Variants in DLG2 observed in about 807,000 individuals in gnomAD.
The protein encoded by DLG2 is discs large MAGUK scaffold protein 2, also known as disks large homolog 2.
In DLG2, 45 loss-of-function variants were observed where a neutral mutation model predicts 132.5. The observed-to-expected ratio is 0.34, with a 90% CI of 0.27 to 0.44. The LOEUF is 0.44. Ranked by LOEUF, DLG2 falls within the 20% of genes least tolerant of loss-of-function variation. The pLI, the probability that DLG2 is intolerant of heterozygous loss-of-function variation, is 1.00. For synonymous variants in DLG2, 424 were observed against 419.6 expected, an observed-to-expected ratio of 1.01 and a Z score of -0.13; for missense variants, 1,045 against 1,196.9, an observed-to-expected ratio of 0.87 and a Z score of 1.87.
intron 3 of DLG2, among the ~76,000 whole-genome samples, chr11:85,522,423 G>A (rs1014321375): frequency 1.2e-4 from 19 of 152,302 alleles, no homozygotes; most frequent in African/African-American, 4.6e-4. Flanking sequence ...GGAAATGTGG[G>A]GTTGGAGCCC....
chr11:84,225,231 CAT>C (rs1251194863), intron 8 of DLG2, among the ~76,000 whole-genome samples: 2 of 152,190 alleles, frequency 1.3e-5, no homozygotes, highest in Non-Finnish European at 2.9e-5. Context: ...TTATTAATAA[CAT>C]ATTTGAATAG....
At chr11:84,372,401 T>G (rs1014990809) in intron 7 of DLG2, among the ~76,000 whole-genome samples, 3 of 152,178 alleles carry the variant, frequency 2.0e-5, no homozygotes, top group African/African-American at 7.2e-5. Flanking sequence ...CTGTGATGAT[T>G]TGCCATCACA....
intron 7 of DLG2, among the ~76,000 whole-genome samples, chr11:84,469,449 C>T (rs569787124): frequency 2.6e-5 from 4 of 151,644 alleles, no homozygotes; most frequent in South Asian, 2.1e-4. Flanking sequence ...TCATTTAAAC[C>T]TTTAAAGCCT....
At chr11:84,419,132 G>T (rs1205308949) in intron 7 of DLG2, among the ~76,000 whole-genome samples, 1 of 151,880 alleles carries the variant, frequency 6.6e-6, no homozygotes, top group East Asian at 1.9e-4. Context: ...GAGAAGGCGA[G>T]AGGGAGAAAA....
chr11:84,193,678 C>T (rs1427720587), intron 8 of DLG2, among the ~76,000 whole-genome samples: 3 of 152,164 alleles, frequency 2.0e-5, no homozygotes. Context: ...CTATGCTGTA[C>T]AGGGAATAGC....
chr11:84,840,411 C>T (rs2080473415), intron 6 of DLG2, among the ~76,000 whole-genome samples: 1 of 152,062 alleles, frequency 6.6e-6, no homozygotes, highest in African/African-American at 2.4e-5. Context: ...ACTAGTTCCA[C>T]CATTGTGGAA....
At chr11:84,469,671 CAAAAT>C (rs1429975872) in intron 7 of DLG2, among the ~76,000 whole-genome samples, 1 of 151,346 alleles carries the variant, frequency 6.6e-6, no homozygotes, top group Non-Finnish European at 1.5e-5. Context: ...TAATTATAGA[CAAAAT>C]AGATAATATG....
intron 6 of DLG2, among the ~76,000 whole-genome samples, chr11:84,693,131 G>A (rs1300808442): frequency 2.0e-5 from 3 of 151,658 alleles, no homozygotes; most frequent in Non-Finnish European, 3.0e-5. Flanking sequence ...AGAATGTCTC[G>A]TAAGTATTCA....
At chr11:84,628,420 G>A (rs1379445087) in intron 6 of DLG2, among the ~76,000 whole-genome samples, 1 of 152,138 alleles carries the variant, frequency 6.6e-6, no homozygotes, top group East Asian at 1.9e-4. Flanking sequence ...TGATGTTTGT[G>A]TAAATTGATT....
At chr11:85,513,899 T>A (rs1242541129) in intron 3 of DLG2, among the ~76,000 whole-genome samples, 1 of 151,990 alleles carries the variant, frequency 6.6e-6, no homozygotes, top group Non-Finnish European at 1.5e-5. Flanking sequence ...TAATTACCTT[T>A]CTAAATATCT....
chr11:84,490,850 A>G (rs1165672734), intron 7 of DLG2, among the ~76,000 whole-genome samples: 1 of 151,582 alleles, frequency 6.6e-6, no homozygotes. Context: ...AATAATGACA[A>G]CTAAAAAATC....
intron 7 of DLG2, among the ~76,000 whole-genome samples, chr11:84,292,969 T>C (rs1288561633): frequency 6.6e-6 from 1 of 152,190 alleles, no homozygotes; most frequent in South Asian, 2.1e-4. Flanking sequence ...TTTACAAATA[T>C]GTATTGGGCA....
intron 8 of DLG2, among the ~76,000 whole-genome samples, chr11:84,236,031 C>T (rs574947477): frequency 1.4e-5 from 2 of 141,378 alleles, no homozygotes; most frequent in South Asian, 4.8e-4. Context: ...GAGATATTTC[C>T]ACCTTTCTCC....
intron 3 of DLG2, among the ~76,000 whole-genome samples, chr11:85,516,123 C>A (rs2094163796): frequency 6.6e-6 from 1 of 151,882 alleles, no homozygotes; most frequent in Non-Finnish European, 1.5e-5. Flanking sequence ...CAGTGGAATA[C>A]AACTAGAAAT....
At chr11:85,461,457 C>T (rs2092609969) in intron 3 of DLG2, among the ~76,000 whole-genome samples, 1 of 152,334 alleles carries the variant, frequency 6.6e-6, no homozygotes, top group Admixed American at 6.5e-5. Flanking sequence ...ATGCAGTTTC[C>T]TGGCTGATCT....
chr11:85,268,553 C>G (rs1332576054), intron 4 of DLG2, among the ~76,000 whole-genome samples: 1 of 152,156 alleles, frequency 6.6e-6, no homozygotes, highest in Non-Finnish European at 1.5e-5. Flanking sequence ...TCAACCTTGG[C>G]AAAATAAAAT....
chr11:83,489,154 T>C (rs1398984494), intron 21 of DLG2, among the ~76,000 whole-genome samples: 1 of 151,932 alleles, frequency 6.6e-6, no homozygotes, highest in Non-Finnish European at 1.5e-5. Context: ...TATTACAAGG[T>C]AGTCTTGAAA....
chr11:84,587,237 T>C (rs1386786576), intron 6 of DLG2, among the ~76,000 whole-genome samples: 1 of 152,212 alleles, frequency 6.6e-6, no homozygotes, highest in East Asian at 1.9e-4. Context: ...TTCTTTGGCT[T>C]ATGTGTCTGG....
intron 19 of DLG2, among the ~76,000 whole-genome samples, chr11:83,591,830 C>G (rs1320003041): frequency 2.0e-5 from 3 of 151,228 alleles, no homozygotes; most frequent in Admixed American, 2.0e-4. Context: ...AAATCACAAG[C>G]ATTCTTATAC....
Sources: gnomAD v4.1 joint callset for allele counts (sites outside exome capture counted in the v4.1 genomes callset) on GRCh38, gnomAD v4.1.1 for gene constraint, MANE v1.5 for transcripts, NCBI Gene and HGNC (gene_info 2026-07-23, HGNC 2026-07-21) for gene names.